DCDC2C: variants seen among roughly 807,000 people sequenced by gnomAD.
DCDC2C encodes the protein doublecortin domain-containing protein 2C.
Under a neutral mutation model 45.0 loss-of-function variants are expected in DCDC2C, and 44 were observed. The ratio of observed to expected loss-of-function variants is 0.98; its 90% CI spans 0.77 to 1.26. The LOEUF (loss-of-function observed/expected upper bound fraction) is 1.26, where lower values mean the gene tolerates loss of function less well. DCDC2C is among the 50% of genes most tolerant of loss of function. DCDC2C has a pLI of 0.00. For synonymous variants in DCDC2C, 187 were observed against 178.8 expected (o/e 1.05, Z -0.37); for missense variants, 447 against 468.9 (o/e 0.95, Z 0.43).
intron 3 of DCDC2C, among the ~76,000 whole-genome samples, chr2:3,741,619 C>T (rs1669210289): frequency 6.6e-6 from 1 of 152,092 alleles, no homozygotes; most frequent in South Asian, 2.1e-4. Context: ...CCACTATTAA[C>T]CCTAAGGCAC....
intron 8 of DCDC2C, among the ~76,000 whole-genome samples, chr2:3,774,282 AG>A (rs1266880652): frequency 6.6e-6 from 1 of 152,252 alleles, no homozygotes; most frequent in Non-Finnish European, 1.5e-5. Context: ...TATATCTGTA[AG>A]GATGTTTTGG....
chr2:3,783,468 T>C (rs1011284696), intron 9 of DCDC2C, among the ~76,000 whole-genome samples: 2 of 152,208 alleles, frequency 1.3e-5, no homozygotes, highest in Admixed American at 1.3e-4. Context: ...TAGTATTTTG[T>C]TTGTCCTTCC....
chr2:3,839,275 C>T (rs1361997696), intron 10 of DCDC2C, among the ~76,000 whole-genome samples: 9 of 152,108 alleles, frequency 5.9e-5, no homozygotes, highest in South Asian at 2.1e-4. Context: ...TATCTATCTC[C>T]GGGTTTCTAA....
intron 10 of DCDC2C, among the ~76,000 whole-genome samples, chr2:3,785,902 A>G (rs1257980572): frequency 1.3e-5 from 2 of 152,282 alleles, no homozygotes; most frequent in East Asian, 1.9e-4. Context: ...TGGCTGCTTC[A>G]GTACCTGCCG....
chr2:3,816,873 CTGAGAAGTGATTTCCT>C (rs1227230652), intron 10 of DCDC2C, among the ~76,000 whole-genome samples: 1 of 152,138 alleles, frequency 6.6e-6, no homozygotes, highest in Non-Finnish European at 1.5e-5. Flanking sequence ...AGATGGAACA[CTGAGAAGTGATTTCCT>C]TGAGGATAGA....
Position 3,747,421 on chromosome 2 carries a change from C to T in DCDC2C, c.546-5342C>T, listed in dbSNP as rs181519207. On this transcript the variant is annotated intron_variant, in intron 4 of 10. Transcript: ENST00000399143. The stretch of plus-strand genomic sequence containing the variant: ...CTATCCTGATTAGGAAAGAGAGAAG[C>T]CCCCACCCCAAAGGCAGTGAAAGGT... Among the ~76,000 whole-genome samples the T allele has an allele frequency of 1.5e-4, 23 of 152,308 alleles. No individual in the cohort carries two copies. In the East Asian group the frequency reaches 4.2e-3, roughly 28 times the overall value.
intron 7 of DCDC2C, chr2:3,768,988 C>T (rs1264163607): frequency 1.2e-5 from 3 of 246,258 alleles, no homozygotes; most frequent in Non-Finnish European, 2.4e-5. Flanking sequence ...CACAGGCCTT[C>T]CCTGTGCTTC....
intron 3 of DCDC2C, among the ~76,000 whole-genome samples, chr2:3,740,935 C>G (rs1206097781): frequency 3.9e-5 from 6 of 152,224 alleles, no homozygotes; most frequent in African/African-American, 1.4e-4. Flanking sequence ...ACCAGAATTG[C>G]AAAGTTGAGC....
Position 3,752,743 on chromosome 2 carries a change from T to A in DCDC2C, c.546-20T>A. On this transcript the variant is annotated intron_variant, in intron 4 of 10. Transcript: ENST00000399143. ...CTGGTCCTCAAGTCTCTATCTCATT[T>A]CTTCTTTCTGTTTTTACAGATTATT... 2 of 1,550,160 alleles carry A rather than the reference T, an allele frequency of 1.3e-6. No homozygotes were observed. Among genetic ancestry groups the A allele is most frequent in the Non-Finnish European group, 1.7e-6 (2 of 1,146,676 alleles).
intron 10 of DCDC2C, among the ~76,000 whole-genome samples, chr2:3,786,884 C>T (rs950981976): frequency 2.0e-5 from 3 of 152,242 alleles, no homozygotes; most frequent in Non-Finnish European, 4.4e-5. Context: ...CAAGAATCAA[C>T]GAGGCAATGG....
intron 7 of DCDC2C, 69 bp downstream of exon 7, chr2:3,767,949 T>TG: frequency 2.9e-6 from 4 of 1,390,076 alleles, no homozygotes; most frequent in Non-Finnish European, 3.7e-6. Flanking sequence ...GGGATTTTTT[T>TG]TTTTTCAGAG....
intron 10 of DCDC2C, among the ~76,000 whole-genome samples, chr2:3,835,316 T>C (rs998209419): frequency 6.6e-6 from 1 of 152,250 alleles, no homozygotes; most frequent in Non-Finnish European, 1.5e-5. Context: ...GCAATTTTTA[T>C]TTATTGCTAA....
At chr2:3,795,599 T>C (rs1670931945) in intron 10 of DCDC2C, among the ~76,000 whole-genome samples, 2 of 116,424 alleles carry the variant, frequency 1.7e-5, no homozygotes, top group South Asian at 5.5e-4. Context: ...TAGCCAGTTT[T>C]CCCAGCACCA....
In DCDC2C at chr2:3,752,883, G is replaced by T. The variant is rs1385059629; in HGVS notation, c.666G>T (p.Val222=). Residue 222 remains valine (V), a synonymous_variant, in exon 5 of 11, where the codon GTG becomes GTT. Transcript: ENST00000399143. The part of the protein sequence containing the change: ...KYFPYWKSPR[V]PSEVQQRYAN... ...TTCCTTACTGGAAGTCTCCAAGGGT[G>T]CCCAGTGAGGTCCAACAGTGAGCAT... is the stretch of plus-strand genomic sequence containing the variant. 3.9e-6 allele frequency: 6 copies of T among 1,550,296 alleles called. No homozygotes were observed. In the Admixed American group the frequency reaches 1.2e-4, roughly 30 times the overall value.
At chr2:3,772,861 C>T (rs773890517) in intron 8 of DCDC2C, among the ~76,000 whole-genome samples, 8 of 152,284 alleles carry the variant, frequency 5.3e-5, no homozygotes, top group East Asian at 1.9e-4. Flanking sequence ...TTCACACTGG[C>T]GTTTCAAGGC....
intron 10 of DCDC2C, among the ~76,000 whole-genome samples, chr2:3,821,924 C>T (rs996035131): frequency 1.3e-4 from 19 of 151,930 alleles, no homozygotes. Context: ...ATGGTCATTA[C>T]CACTCTCTAA....
At chr2:3,774,414 G>A (rs949090323) in intron 8 of DCDC2C, among the ~76,000 whole-genome samples, 5 of 152,222 alleles carry the variant, frequency 3.3e-5, no homozygotes, top group African/African-American at 1.2e-4. Flanking sequence ...GCCCCCTCGA[G>A]CCTCGGGGAG....
intron 10 of DCDC2C, among the ~76,000 whole-genome samples, chr2:3,845,570 C>T (rs201748965): frequency 1.1e-4 from 17 of 152,196 alleles, no homozygotes; most frequent in Non-Finnish European, 2.1e-4. Context: ...CTAGAACACT[C>T]GTAACACTTT....
At chr2:3,708,649 G>C in intron 2 of DCDC2C, 49 bp downstream of exon 2, 1 of 1,411,340 alleles carries the variant, frequency 7.1e-7, no homozygotes, top group Middle Eastern at 1.8e-4. Context: ...TGGCCAACTT[G>C]GTAAAAATTT....
Sources: allele counts gnomAD v4.1 joint callset (sites outside exome capture counted in the v4.1 genomes callset), GRCh38; gene constraint gnomAD v4.1.1; transcripts MANE v1.5; gene names NCBI Gene and HGNC (gene_info 2026-07-23, HGNC 2026-07-21).